SOX30: variants seen among roughly 807,000 people sequenced by gnomAD.
SOX30 encodes transcription factor SOX-30.
Under a neutral mutation model 58.6 loss-of-function variants are expected in SOX30, and 17 were observed. The observed-to-expected ratio is 0.29, with a 90% confidence interval of 0.20 to 0.44. The LOEUF is 0.44. Among genes scored for constraint, SOX30 ranks in the 20% least tolerant of loss-of-function variants. The pLI, the probability that SOX30 is intolerant of heterozygous loss-of-function variation, is 1.00. For missense variants in SOX30, 951 were observed against 965.8 expected (o/e 0.98, Z 0.20); for synonymous variants, 421 against 400.2 (o/e 1.05, Z -0.62).
chr5:157,658,239 A>G (rs1759515044), intron 2 of SOX30, among the ~76,000 whole-genome samples: 2 of 152,244 alleles, frequency 1.3e-5, no homozygotes, highest in South Asian at 4.1e-4. Context: ...CACTTTATAC[A>G]ACTAATCAGG....
chr5:157,631,051 A>ATATATATATATATAATATATATATTT (rs1758789997), intron 4 of SOX30, among the ~76,000 whole-genome samples: 1 of 40,702 alleles, frequency 2.5e-5, no homozygotes, highest in African/African-American at 8.6e-5. Flanking sequence ...TATATTTTAT[A>ATATATATATATATAATATATATATTT]TATATATATA....
chr5:157,631,631 C>T (rs1403744546), intron 4 of SOX30, among the ~76,000 whole-genome samples: 2 of 151,822 alleles, frequency 1.3e-5, no homozygotes, highest in African/African-American at 2.4e-5. Context: ...CATGGTGGTG[C>T]GGCCTGTAGT....
intron 2 of SOX30, among the ~76,000 whole-genome samples, chr5:157,658,111 A>G (rs1020438338): frequency 2.0e-5 from 3 of 152,216 alleles, no homozygotes; most frequent in African/African-American, 7.2e-5. Context: ...ATTTGAGGGT[A>G]CAAACCTATG....
Position 157,651,195 on chromosome 5 carries a change from G to A in SOX30, c.884C>T (p.Pro295Leu). 6.2e-7 allele frequency: 1 copy of A among 1,611,472 alleles called. No individual in the cohort carries two copies. Among genetic ancestry groups the A allele is most frequent in the Non-Finnish European group, 8.5e-7 (1 of 1,178,812 alleles). Residue 295 changes from proline (P) to leucine (L), a missense_variant, in exon 1 of 5, where the codon CCT (proline) becomes CTT (leucine). Transcript: ENST00000265007. ...RLTKVPLTPV[P>L]TKMQSLLEPS... ...CTCCAGTAGGGACTGCATTTTAGTAGGCACTGGTGTCAGGGGGACCTTGGT... is the reference window on the plus strand; with the variant it reads ...CTCCAGTAGGGACTGCATTTTAGTAAGCACTGGTGTCAGGGGGACCTTGGT...
intron 2 of SOX30, among the ~76,000 whole-genome samples, chr5:157,665,582 AAAACTT>A (rs1228088209): frequency 1.3e-5 from 2 of 150,616 alleles, no homozygotes; most frequent in Non-Finnish European, 3.0e-5. Flanking sequence ...CATGTACCCT[AAAACTT>A]AAAGTATAAT....
intron 1 of SOX30, among the ~76,000 whole-genome samples, chr5:157,668,073 C>T (rs1193084551): frequency 6.6e-6 from 1 of 152,186 alleles, no homozygotes; most frequent in African/African-American, 2.4e-5. Flanking sequence ...GGCTGCCGCC[C>T]CAGTGATTCT....
intron 4 of SOX30, among the ~76,000 whole-genome samples, chr5:157,627,124 G>A (rs895464692): frequency 6.6e-6 from 1 of 152,224 alleles, no homozygotes; most frequent in Non-Finnish European, 1.5e-5. Context: ...AACACTTTGG[G>A]AGGCTGAGGC....
intron 2 of SOX30, chr5:157,667,773 C>T (rs778384102): frequency 4.3e-5 from 64 of 1,474,770 alleles, no homozygotes; most frequent in Middle Eastern, 1.7e-4. Flanking sequence ...TACACACACA[C>T]ACACACACAC....
rs777569442 is a variant in SOX30 at position 157,662,018 on chromosome 5, G to T, written c.52+5780C>A. ...AGATTCTAAAATAATTTAATTAAACGCTTTAATGTTTTTCACTGATATATA... is the reference window on the plus strand; with the variant it reads ...AGATTCTAAAATAATTTAATTAAACTCTTTAATGTTTTTCACTGATATATA... On this transcript the variant is annotated intron_variant, in intron 2 of 5. Transcript: ENST00000519442. 2.6e-5 allele frequency among the ~76,000 whole-genome samples: 4 copies of T among 152,112 alleles called. No individual in the cohort carries two copies. The East Asian group carries it at 5.8e-4, about 22-fold the overall frequency.
chr5:157,644,266 T>C (rs1363644269), intron 3 of SOX30, among the ~76,000 whole-genome samples: 2 of 152,278 alleles, frequency 1.3e-5, no homozygotes, highest in African/African-American at 4.8e-5. Context: ...TCACCACAGC[T>C]GGCCCAAGAA....
chr5:157,628,785 G>T (rs1230981191), intron 4 of SOX30, among the ~76,000 whole-genome samples: 1 of 151,986 alleles, frequency 6.6e-6, no homozygotes, highest in Non-Finnish European at 1.5e-5. Context: ...AGGATTACAG[G>T]TGCCCGCCAC....
rs1393425807 is a variant in SOX30, at chr5:157,626,512, T to G, written c.2090A>C (p.Tyr697Ser). 9.9e-6 allele frequency: 16 copies of G among 1,614,086 alleles called. No homozygotes were observed. The highest frequency in any genetic ancestry group is 1.4e-5 in the Non-Finnish European group (16 of 1,180,042). ...SCENMNGTSY[Y>S]NSHSHSGEEN... ...TTCCCCACTGTGGCTATGACTGTTA[T>G]AGTAAGAAGTTCCATTCATGTTCTC... Residue 697 changes from tyrosine to serine, a missense_variant, in exon 5 of 5, where the codon TAT (tyrosine) becomes TCT (serine). Around this residue, in one of 7 missense-constraint regions of SOX30, gnomAD observed 381 missense variants for 390.0 expected, o/e 0.98. Coordinates refer to ENST00000265007, the MANE Select transcript of SOX30 (RefSeq NM_178424.2).
chr5:157,637,707 T>C (rs1030850658), intron 4 of SOX30, among the ~76,000 whole-genome samples: 3 of 152,124 alleles, frequency 2.0e-5, no homozygotes, highest in African/African-American at 4.8e-5. Flanking sequence ...CCTATATTCT[T>C]GTTCTTTTTT....
intron 3 of SOX30, 107 bp downstream of exon 3, chr5:157,646,526 TAACA>T (rs1446897891): frequency 2.5e-6 from 2 of 798,004 alleles, no homozygotes; most frequent in African/African-American, 1.8e-5. Flanking sequence ...CTTTTTTTCT[TAACA>T]TTGTTGTTCC....
In SOX30 at chr5:157,652,219, G is replaced by C; in HGVS notation, c.-141C>G. 1 of 1,294,010 alleles carries C rather than the reference G, an allele frequency of 7.7e-7. No individual in the cohort carries two copies. The highest frequency in any genetic ancestry group is 9.7e-7 in the Non-Finnish European group (1 of 1,026,946). 80.2% of individuals were successfully genotyped at this position (1,294,010 alleles called of 1,614,324 possible). ...GTTCAAAACGCAGCTGTCTGTCTGG[G>C]CCTCACCCAATCACAACGACCGATA... On this transcript the variant is annotated 5_prime_UTR_variant, in exon 1 of 5. Transcript: ENST00000265007.
chr5:157,665,921 T>C (rs909743189), intron 2 of SOX30, among the ~76,000 whole-genome samples: 20 of 142,486 alleles, frequency 1.4e-4, no homozygotes, highest in Admixed American at 2.7e-4. Context: ...TTTTTTTTTT[T>C]CTTAGATGGA....
At chr5:157,657,111 C>CATTT (rs1327196190), upstream of SOX30, among the ~76,000 whole-genome samples, 4 of 152,138 alleles carry the variant, frequency 2.6e-5, no homozygotes, top group African/African-American at 9.7e-5. Context: ...GCAAGAGTCA[C>CATTT]ATTTGGCTTA....
chr5:157,626,232 C>T lies in SOX30; in HGVS notation c.*108G>A, dbSNP rs903189503. 27 of 1,042,346 alleles carry T rather than the reference C, an allele frequency of 2.6e-5. No individual in the cohort carries two copies. Among genetic ancestry groups the T allele is most frequent in the African/African-American group, 2.6e-4 (16 of 61,802 alleles). 64.6% of individuals were successfully genotyped at this position (1,042,346 alleles called of 1,614,324 possible). ...CATTTGGTTTTAACTCCTCAAATCA[C>T]GACTGAAAACTTTCAACAAAGAATT... On this transcript the variant is annotated 3_prime_UTR_variant, in exon 5 of 5. Transcript: ENST00000265007.
At chr5:157,641,449 C>T (rs1759059328) in intron 3 of SOX30, among the ~76,000 whole-genome samples, 1 of 152,058 alleles carries the variant, frequency 6.6e-6, no homozygotes, top group Non-Finnish European at 1.5e-5. Flanking sequence ...CCCATCTCTA[C>T]TAAAAATACA....
Sources: gnomAD v4.1 joint callset for allele counts (sites outside exome capture counted in the v4.1 genomes callset) on GRCh38, gnomAD v4.1.1 for gene constraint, gnomAD v4.1.1 regional missense constraint, MANE v1.5 for transcripts, NCBI Gene and HGNC (gene_info 2026-07-23, HGNC 2026-07-21) for gene names.